Variants in HFM1 observed in about 807,000 individuals in gnomAD.
The protein encoded by HFM1 is probable ATP-dependent DNA helicase HFM1.
Under a neutral mutation model 192.1 loss-of-function variants are expected in HFM1, and 169 were observed. That is an observed-to-expected ratio of 0.88 (90% confidence interval 0.78 to 1.00). HFM1 has a LOEUF of 1.00. HFM1 is among the 50% of genes least tolerant of loss of function. The probability of loss-of-function intolerance (pLI) is 0.00; values close to 1 mark genes in which losing one functional copy is unlikely to be tolerated. For missense variants in HFM1, 1,661 were observed against 1,668.0 expected, an observed-to-expected ratio of 1.00 and a Z score of 0.07; for synonymous variants, 525 against 537.8, an observed-to-expected ratio of 0.98 and a Z score of 0.33.
intron 30 of HFM1, among the ~76,000 whole-genome samples, chr1:91,302,924 T>C (rs1649049923): frequency 6.6e-6 from 1 of 152,164 alleles, no homozygotes; most frequent in Admixed American, 6.6e-5. Flanking sequence ...CCTAAAAGTA[T>C]AATTTAAAAT....
At chr1:91,283,460 C>A (rs1385537259) in intron 30 of HFM1, among the ~76,000 whole-genome samples, 1 of 151,992 alleles carries the variant, frequency 6.6e-6, no homozygotes, top group Non-Finnish European at 1.5e-5. Context: ...GCCATGTTGC[C>A]CAGGCTGGTC....
intron 30 of HFM1, among the ~76,000 whole-genome samples, chr1:91,307,613 C>A (rs1649826622): frequency 6.6e-6 from 1 of 151,918 alleles, no homozygotes; most frequent in Non-Finnish European, 1.5e-5. Flanking sequence ...TCACCACACT[C>A]ACTAATTTTT....
chr1:91,392,413 G>T (rs1663115030), intron 4 of HFM1, among the ~76,000 whole-genome samples: 1 of 152,174 alleles, frequency 6.6e-6, no homozygotes, highest in Non-Finnish European at 1.5e-5. Context: ...ATACTATGCA[G>T]CCATAAAAAA....
At chr1:91,402,396 C>T (rs1310027960) in intron 1 of HFM1, among the ~76,000 whole-genome samples, 4 of 152,104 alleles carry the variant, frequency 2.6e-5, no homozygotes, top group Non-Finnish European at 4.4e-5. Flanking sequence ...CTTCCCCCTT[C>T]CATCTGTTTA....
rs778916154 is a variant in HFM1 at position 91,378,174 on chromosome 1, C to T, written c.1246G>A (p.Val416Ile). The change falls in exon 11 of 39, where the codon GTA (valine) becomes ATA (isoleucine). Residue 416 changes from valine to isoleucine, a missense_variant. Val to Ile is a conservative substitution (Grantham distance 29). Transcript: ENST00000370425. ...RLFLIDEVHI[V>I]KDENRGPTLE... ...GTTGGACCACGATTTTCATCTTTTA[C>T]AATATGTACCTAAGCAGGAAATCAA... 1.3e-5 allele frequency: 21 copies of T among 1,598,902 alleles called. No homozygotes were observed. Among genetic ancestry groups the T allele is most frequent in the Admixed American group, 1.0e-4 (6 of 57,178 alleles).
At chr1:91,346,105 G>A (rs1307919397) in intron 19 of HFM1, among the ~76,000 whole-genome samples, 2 of 140,444 alleles carry the variant, frequency 1.4e-5, no homozygotes, top group African/African-American at 5.6e-5. Context: ...TGCAATGAAT[G>A]AGGAAAAGAT....
chr1:91,269,351 A>C (rs963878952), intron 34 of HFM1, among the ~76,000 whole-genome samples: 10 of 152,166 alleles, frequency 6.6e-5, no homozygotes, highest in Non-Finnish European at 1.3e-4. Context: ...TTTTTAACAT[A>C]ATTTAATTGA....
intron 13 of HFM1, among the ~76,000 whole-genome samples, chr1:91,371,737 C>G (rs980643909): frequency 1.3e-5 from 2 of 150,394 alleles, no homozygotes; most frequent in African/African-American, 2.5e-5. Context: ...CCAAACTTGA[C>G]AAATGGGATC....
At chr1:91,273,668 A>T (rs910578540) in intron 34 of HFM1, 44 bp downstream of exon 34, 3 of 974,944 alleles carry the variant, frequency 3.1e-6, no homozygotes, top group Non-Finnish European at 4.9e-6. Context: ...TCAAAGTAAT[A>T]ATAAGCCATT....
Position 91,269,255 on chromosome 1 carries a change from T to A in HFM1, c.3773-1400A>T, listed in dbSNP as rs187501991. Among the ~76,000 whole-genome samples the A allele has an allele frequency of 1.6e-4, 25 of 152,242 alleles. No homozygotes were observed. The East Asian group carries it at 3.3e-3, about 20-fold the overall frequency. On this transcript the variant is annotated intron_variant, in intron 34 of 38. Transcript: ENST00000370425. ...CCTATAATATAGTATTTCTACCATATGGATAAATAATCTCGAGAACACAGA... is the reference window on the plus strand; with the variant it reads ...CCTATAATATAGTATTTCTACCATAAGGATAAATAATCTCGAGAACACAGA...
At chr1:91,329,468 T>G in intron 20 of HFM1, 1 of 1,566,800 alleles carries the variant, frequency 6.4e-7, no homozygotes, top group Non-Finnish European at 8.7e-7. Flanking sequence ...AGGGATCCAC[T>G]AAGAAGAAGG....
In HFM1 at chr1:91,337,389, G is replaced by A. The variant is rs180785988; in HGVS notation, c.2335+6041C>T. ...AAAACTATATGAAGCAGAATTATAGGAACATACAAACTAAAAACTGATATA... is the reference window on the plus strand; with the variant it reads ...AAAACTATATGAAGCAGAATTATAGAAACATACAAACTAAAAACTGATATA... On this transcript the variant is annotated intron_variant, in intron 20 of 38. Coordinates refer to ENST00000370425, the MANE Select transcript of HFM1 (RefSeq NM_001017975.6). Among the ~76,000 whole-genome samples the A allele has an allele frequency of 1.4e-3, 215 of 151,868 alleles. 2 individuals are homozygous for A. The highest frequency in any genetic ancestry group is 4.5e-3 in the Admixed American group (69 of 15,244).
chr1:91,379,830 T>G (rs1159990973), intron 8 of HFM1, among the ~76,000 whole-genome samples: 1 of 152,166 alleles, frequency 6.6e-6, no homozygotes, highest in Non-Finnish European at 1.5e-5. Flanking sequence ...TATGCAAATT[T>G]CTAGAATTAC....
At chr1:91,400,480 C>CTTTTTTTTTTTTT (rs112090967) in intron 2 of HFM1, among the ~76,000 whole-genome samples, 1 of 139,062 alleles carries the variant, frequency 7.2e-6, no homozygotes. Flanking sequence ...AGGCAAGAAT[C>CTTTTTTTTTTTTT]TTTTTTTTTT....
At chr1:91,279,666 T>G (rs902607821) in intron 30 of HFM1, among the ~76,000 whole-genome samples, 1 of 152,186 alleles carries the variant, frequency 6.6e-6, no homozygotes, top group Non-Finnish European at 1.5e-5. Flanking sequence ...TTTTTATAAC[T>G]GTAGCTTTGA....
At chr1:91,302,335 G>T (rs1011043756) in intron 30 of HFM1, among the ~76,000 whole-genome samples, 8 of 151,910 alleles carry the variant, frequency 5.3e-5, no homozygotes, top group African/African-American at 1.9e-4. Context: ...GCTGTTGGTG[G>T]GACTGTAAAC....
intron 28 of HFM1, among the ~76,000 whole-genome samples, chr1:91,314,844 AT>A (rs1394244351): frequency 6.6e-6 from 1 of 152,212 alleles, no homozygotes; most frequent in Non-Finnish European, 1.5e-5. Flanking sequence ...ACAACAGCAT[AT>A]TCTCTATAAG....
intron 30 of HFM1, among the ~76,000 whole-genome samples, chr1:91,290,515 T>C (rs1369390021): frequency 1.3e-5 from 2 of 152,134 alleles, no homozygotes; most frequent in Admixed American, 6.5e-5. Context: ...CCTAAATATA[T>C]ATGCACCCAA....
intron 30 of HFM1, among the ~76,000 whole-genome samples, chr1:91,291,075 AC>A (rs1668689559): frequency 6.6e-6 from 1 of 152,182 alleles, no homozygotes; most frequent in Admixed American, 6.5e-5. Context: ...AATTTATAGC[AC>A]TAAATGCCCA....
Sources: allele counts gnomAD v4.1 joint callset (sites outside exome capture counted in the v4.1 genomes callset), GRCh38; gene constraint gnomAD v4.1.1; transcripts MANE v1.5; gene names NCBI Gene and HGNC (gene_info 2026-07-23, HGNC 2026-07-21).